Variants in KCNK12 observed in about 807,000 individuals in gnomAD.
KCNK12 encodes the protein potassium two pore domain channel subfamily K member 12.
KCNK12 carries 6 observed loss-of-function variants against 25.3 expected under a neutral mutation model. That is an observed-to-expected ratio of 0.24 (90% CI 0.13 to 0.47). The LOEUF (loss-of-function observed/expected upper bound fraction) is 0.47, where lower values mean the gene tolerates loss of function less well. Among genes scored for constraint, KCNK12 ranks in the 20% least tolerant of loss-of-function variants. The pLI is 0.99. For synonymous variants in KCNK12, 331 were observed against 311.1 expected (o/e 1.06, Z -0.67); for missense variants, 444 against 661.7 (o/e 0.67, Z 3.61).
At position 47,518,499 on chromosome 2, in the gene KCNK12, G is replaced by C. The variant is rs1475972492; in HGVS notation, c.*2408C>G. ...TGAGGCTGCAGCATAAGCAACTTAGGATAGAGTCTAGGAAGCACCGCCAAC... is the reference window on the plus strand; with the variant it reads ...TGAGGCTGCAGCATAAGCAACTTAGCATAGAGTCTAGGAAGCACCGCCAAC... On this transcript the variant is annotated 3_prime_UTR_variant, in exon 2 of 2. Transcript: ENST00000327876. This position sits in a 1 kb window ranked among gnomAD's most constrained non-coding sequence, Gnocchi z 4.1. The C allele has an allele frequency of 6.6e-6, 1 of 152,218 alleles. No individual in the cohort carries two copies. The highest frequency in any genetic ancestry group is 2.4e-5 in the African/African-American group (1 of 41,452). The allele number at this position is 152,218 out of a possible 1,614,324, so 9.4% of individuals were successfully genotyped here.
chr2:47,521,160 G>A lies in KCNK12; in HGVS notation c.1040C>T (p.Ala347Val). The change falls in exon 2 of 2, where the codon GCG becomes GTG. Residue 347 changes from alanine (A) to valine (V), a missense_variant. Physicochemically the swap from Ala to Val is moderately conservative, Grantham distance 64. Around this residue, in one of 8 missense-constraint regions of KCNK12, gnomAD observed 69 missense variants for 81.7 expected, o/e 0.84. Coordinates refer to ENST00000327876, the MANE Select transcript of KCNK12 (RefSeq NM_022055.2). ...GCGGGCCGCGGGGTCGGCACCGAGC[G>A]CGGCCAGGCGGCGGCGCAGCCGGGA... ...PGSRLRRRLA[A>V]LGADPAARDS... 7.8e-7 allele frequency: 1 copy of A among 1,289,822 alleles called. No individual in the cohort carries two copies. The highest frequency in any genetic ancestry group is 9.8e-7 in the Non-Finnish European group (1 of 1,022,404). 79.9% of individuals were successfully genotyped at this position (1,289,822 alleles called of 1,614,324 possible).
chr2:47,521,862 T>TGGGGGTGG, intron 1 of KCNK12, 54 bp from the exon 2 acceptor site: 2 of 444,068 alleles, frequency 4.5e-6, no homozygotes, highest in Non-Finnish European at 6.0e-6. Context: ...TGGTCCTCAC[T>TGGGGGTGG]GGGCGAGGGT....
intron 1 of KCNK12, among the ~76,000 whole-genome samples, chr2:47,537,556 C>A (rs1669101280): frequency 1.3e-5 from 2 of 152,278 alleles, no homozygotes; most frequent in Non-Finnish European, 1.5e-5. Context: ...GTCTCAATCT[C>A]TTGACCTCGT....
Position 47,570,358 on chromosome 2 carries a change from G to T in KCNK12, c.-27C>A, listed in dbSNP as rs1206354672. 8.2e-7 allele frequency: 1 copy of T among 1,223,168 alleles called. No individual in the cohort carries two copies. The highest frequency in any genetic ancestry group is 1.0e-6 in the Non-Finnish European group (1 of 983,678). 75.8% of individuals were successfully genotyped at this position (1,223,168 alleles called of 1,614,324 possible). On this transcript the variant is annotated 5_prime_UTR_variant, in exon 1 of 2. Coordinates refer to ENST00000327876, the MANE Select transcript of KCNK12 (RefSeq NM_022055.2). ...GTCCGGAGCTCAGCCCCGGGGCCGG[G>T]GCGGCGCTCGGGGCCCGGGCCACGA...
rs1467551705 is a variant in KCNK12, at chr2:47,570,488, C to T, written c.-157G>A. 5 of 766,278 alleles carry T rather than the reference C, an allele frequency of 6.5e-6. No homozygotes were observed. In the African/African-American group the frequency reaches 9.2e-5, roughly 14 times the overall value. 47.5% of individuals were successfully genotyped at this position (766,278 alleles called of 1,614,324 possible). A position where few individuals can be genotyped will look rare whatever the true frequency, so the allele number is the denominator to read the frequency against. On this transcript the variant is annotated 5_prime_UTR_variant, in exon 1 of 2. Transcript: ENST00000327876. Reference sequence around the variant, plus strand: ...AGAGCCCCTCGTCGCCTTCCCAGAGCCCGGACAGAGGGGCGCCTCCGCCTC... The same window carrying T: ...AGAGCCCCTCGTCGCCTTCCCAGAGTCCGGACAGAGGGGCGCCTCCGCCTC...
chr2:47,552,243 C>T (rs1331836517), intron 1 of KCNK12, among the ~76,000 whole-genome samples: 1 of 152,224 alleles, frequency 6.6e-6, no homozygotes, highest in Non-Finnish European at 1.5e-5. Context: ...GCTGCACCCC[C>T]GCCTCCACCA....
At position 47,513,360 on chromosome 2, in the gene KCNK12, C is replaced by T. The variant is rs1304632872; in HGVS notation, c.*7547G>A. 4.6e-5 allele frequency: 7 copies of T among 152,384 alleles called. No homozygotes were observed. The highest frequency in any genetic ancestry group is 3.4e-3 in the Middle Eastern group (1 of 294). The allele number at this position is 152,384 out of a possible 1,614,324, so 9.4% of individuals were successfully genotyped here. A position where few individuals can be genotyped will look rare whatever the true frequency, so the allele number is the denominator to read the frequency against. ...CTTAATCACTCAGTGGCACTTGGCA[C>T]TTATTCCTTCTTGAAACCCTTGTTT... On this transcript the variant is annotated 3_prime_UTR_variant, in exon 2 of 2. Coordinates refer to ENST00000327876, the MANE Select transcript of KCNK12 (RefSeq NM_022055.2).
In KCNK12 at chr2:47,551,710, A is replaced by G. The variant is rs1669436589; in HGVS notation, c.391+18231T>C. Reference sequence around the variant, plus strand: ...TATTTTTCTGGAGCTCTCCAGTTCTAGACTCGTTGACACATAAAAATATTT... The same window carrying G: ...TATTTTTCTGGAGCTCTCCAGTTCTGGACTCGTTGACACATAAAAATATTT... On this transcript the variant is annotated intron_variant, in intron 1 of 1. Coordinates refer to ENST00000327876, the MANE Select transcript of KCNK12 (RefSeq NM_022055.2). This position sits in a 1 kb window ranked among gnomAD's most constrained non-coding sequence, Gnocchi z 5.3. Among the ~76,000 whole-genome samples, 2 of 152,218 alleles carry G rather than the reference A, an allele frequency of 1.3e-5. No homozygotes were observed. The highest frequency in any genetic ancestry group is 4.1e-4 in the South Asian group (2 of 4,832).
At position 47,510,607 on chromosome 2, in the gene KCNK12, A is replaced by G. The variant is rs566668639; in HGVS notation, c.*10300T>C. 3.9e-5 allele frequency among the ~76,000 whole-genome samples: 6 copies of G among 152,188 alleles called. No individual in the cohort carries two copies. Among genetic ancestry groups the G allele is most frequent in the Non-Finnish European group, 7.3e-5 (5 of 68,036 alleles). Reference sequence around the variant, plus strand: ...TCTCACCGCACGTATTTGGTCAGCTATGAATATGACCAACTCTCGTCGTTT... The same window carrying G: ...TCTCACCGCACGTATTTGGTCAGCTGTGAATATGACCAACTCTCGTCGTTT... On this transcript the variant is annotated 3_prime_UTR_variant, in exon 2 of 2. Coordinates refer to ENST00000327876, the MANE Select transcript of KCNK12 (RefSeq NM_022055.2).
rs1410350471 is a variant in KCNK12, at chr2:47,557,038, G to C, written c.391+12903C>G. 1.3e-5 allele frequency among the ~76,000 whole-genome samples: 2 copies of C among 152,240 alleles called. No homozygotes were observed. Among genetic ancestry groups the C allele is most frequent in the East Asian group, 1.9e-4 (1 of 5,202 alleles). On this transcript the variant is annotated intron_variant, in intron 1 of 1. Coordinates refer to ENST00000327876, the MANE Select transcript of KCNK12 (RefSeq NM_022055.2). This position sits in a 1 kb window ranked among gnomAD's most constrained non-coding sequence, Gnocchi z 4.9. ...GCATCATCTGTGGGAGGCTGGAGAA[G>C]GCTGGAGAGGAACTCAGTGAGGCAG...
In KCNK12 at chr2:47,517,536, C is replaced by T. The variant is rs537845457; in HGVS notation, c.*3371G>A. 10 of 152,156 alleles carry T rather than the reference C, an allele frequency of 6.6e-5. No individual in the cohort carries two copies. The highest frequency in any genetic ancestry group is 2.2e-4 in the African/African-American group (9 of 41,510). 9.4% of individuals were successfully genotyped at this position (152,156 alleles called of 1,614,324 possible). The stretch of plus-strand genomic sequence containing the variant: ...AAAGTGGCCCAGACTGAGACTTTTC[C>T]TTGGGGAAAAGGGTTAGTAGCTCTT... On this transcript the variant is annotated 3_prime_UTR_variant, in exon 2 of 2. Transcript: ENST00000327876. The surrounding 1 kb of genome is among the most constrained non-coding windows in gnomAD (Gnocchi z 4.1).
Position 47,562,737 on chromosome 2 carries a change from ACTG to A in KCNK12, c.391+7201_391+7203del. On this transcript the variant is annotated intron_variant, in intron 1 of 1. Coordinates refer to ENST00000327876, the MANE Select transcript of KCNK12 (RefSeq NM_022055.2). This position sits in a 1 kb window ranked among gnomAD's most constrained non-coding sequence, Gnocchi z 4.8. ...CCAGCACCTCCCCAACCTCCTGGAA[ACTG>A]CTGTGCTTCCTGCAGTTTCAAGCCC... 4.3e-6 allele frequency: 1 copy of A among 233,242 alleles called. No homozygotes were observed. The highest frequency in any genetic ancestry group is 8.5e-6 in the Non-Finnish European group (1 of 118,066). The allele number at this position is 233,242 out of a possible 1,614,324, so 14.4% of individuals were successfully genotyped here. A position where few individuals can be genotyped will look rare whatever the true frequency, so the allele number is the denominator to read the frequency against.
At position 47,511,236 on chromosome 2, in the gene KCNK12, C is replaced by G. The variant is rs1027709466; in HGVS notation, c.*9671G>C. 6.6e-6 allele frequency among the ~76,000 whole-genome samples: 1 copy of G among 152,184 alleles called. No homozygotes were observed. The highest frequency in any genetic ancestry group is 2.4e-5 in the African/African-American group (1 of 41,446). On this transcript the variant is annotated 3_prime_UTR_variant, in exon 2 of 2. Coordinates refer to ENST00000327876, the MANE Select transcript of KCNK12 (RefSeq NM_022055.2). This position sits in a 1 kb window ranked among gnomAD's most constrained non-coding sequence, Gnocchi z 4.3. ...CTTACTGAGCCTCATTTCCCTCTGT[C>G]TGCAGAGTCAAGCAAATCTTCCATT...
chr2:47,549,263 A>T (rs921980737), intron 1 of KCNK12, among the ~76,000 whole-genome samples: 2 of 152,040 alleles, frequency 1.3e-5, no homozygotes, highest in African/African-American at 4.8e-5. Context: ...CAGAGAAAAG[A>T]CTCCTTTAGA....
intron 1 of KCNK12, among the ~76,000 whole-genome samples, chr2:47,559,302 C>T (rs1669615655): frequency 1.3e-5 from 2 of 152,194 alleles, no homozygotes; most frequent in African/African-American, 4.8e-5. Flanking sequence ...CAGAGGGGCT[C>T]ATGCACAGCC....
Position 47,570,085 on chromosome 2 carries a change from G to T in KCNK12, c.247C>A (p.His83Asn). The T allele has an allele frequency of 7.2e-7, 1 of 1,386,862 alleles. No homozygotes were observed. Among genetic ancestry groups the T allele is most frequent in the Non-Finnish European group, 9.3e-7 (1 of 1,070,988 alleles). The allele number at this position is 1,386,862 out of a possible 1,614,324, so 85.9% of individuals were successfully genotyped here. Residue 83 changes from histidine to asparagine, a missense_variant, in exon 1 of 2, where the codon CAC (histidine) becomes AAC (asparagine). His to Asn is a moderately conservative substitution (Grantham distance 68, BLOSUM62 1). Transcript: ENST00000327876. ...CGCAGCTCTGGCTCGGCCACGCCGTGCGCAGCGCTGAAGTTGCGCAGCGTG... is the reference window on the plus strand; with the variant it reads ...CGCAGCTCTGGCTCGGCCACGCCGTTCGCAGCGCTGAAGTTGCGCAGCGTG... Reference protein sequence around the residue: ...GATLRNFSAAHGVAEPELRAF... With the variant: ...GATLRNFSAANGVAEPELRAF...
rs1669343916 is a variant in KCNK12 at position 47,547,779 on chromosome 2, G to A, written c.391+22162C>T. Among the ~76,000 whole-genome samples the A allele has an allele frequency of 6.6e-6, 1 of 152,096 alleles. No homozygotes were observed. Among genetic ancestry groups the A allele is most frequent in the Admixed American group, 6.5e-5 (1 of 15,278 alleles). On this transcript the variant is annotated intron_variant, in intron 1 of 1. Transcript: ENST00000327876. The surrounding 1 kb of genome is among the most constrained non-coding windows in gnomAD (Gnocchi z 5.0). The stretch of plus-strand genomic sequence containing the variant: ...TACTTGGCGAATTTTTATATTTTTA[G>A]TAGAGAGGGGGTTTCACCGTGTTGG...
Position 47,538,632 on chromosome 2 carries a change from A to G in KCNK12, c.392-16824T>C, listed in dbSNP as rs139140944. On this transcript the variant is annotated intron_variant, in intron 1 of 1. Transcript: ENST00000327876. This position sits in a 1 kb window ranked among gnomAD's most constrained non-coding sequence, Gnocchi z 4.5. ...CTAAAAATACAAAAATTAGCCAGGCATGGTGGTGCATGCCTGTAATCCCAG... is the reference window on the plus strand; with the variant it reads ...CTAAAAATACAAAAATTAGCCAGGCGTGGTGGTGCATGCCTGTAATCCCAG... 5.1e-3 allele frequency among the ~76,000 whole-genome samples: 779 copies of G among 152,258 alleles called. 10 individuals are homozygous for G. Among genetic ancestry groups the G allele is most frequent in the African/African-American group, 0.018 (745 of 41,546 alleles).
In KCNK12 at chr2:47,511,608, G is replaced by T. The variant is rs1668404915; in HGVS notation, c.*9299C>A. On this transcript the variant is annotated 3_prime_UTR_variant, in exon 2 of 2. Coordinates refer to ENST00000327876, the MANE Select transcript of KCNK12 (RefSeq NM_022055.2). The surrounding 1 kb of genome is among the most constrained non-coding windows in gnomAD (Gnocchi z 4.3). ...TGCCCTGGGGGTGGGAGAGGGATGG[G>T]TGCACGGTGAACAGCAGGTGGGGGT... Among the ~76,000 whole-genome samples, 1 of 152,190 alleles carries T rather than the reference G, an allele frequency of 6.6e-6. No individual in the cohort carries two copies. Among genetic ancestry groups the T allele is most frequent in the Admixed American group, 6.5e-5 (1 of 15,288 alleles).
Sources: gnomAD v4.1 joint callset for allele counts (sites outside exome capture counted in the v4.1 genomes callset) on GRCh38, gnomAD v4.1.1 for gene constraint, gnomAD v4.1.1 regional missense constraint, Gnocchi (gnomAD v3.1) non-coding constraint, MANE v1.5 for transcripts, NCBI Gene and HGNC (gene_info 2026-07-23, HGNC 2026-07-21) for gene names.